DNAJB14: variants seen among roughly 807,000 people sequenced by gnomAD.
The protein encoded by DNAJB14 is DnaJ heat shock protein family (Hsp40) member B14.
A neutral mutation model predicts 48.4 loss-of-function variants in DNAJB14; 22 were observed. The ratio of observed to expected loss-of-function variants is 0.45; its 90% confidence interval spans 0.32 to 0.65. The LOEUF is 0.65. Among genes scored for constraint, DNAJB14 ranks in the 30% least tolerant of loss-of-function variants. The pLI, the probability that DNAJB14 is intolerant of heterozygous loss-of-function variation, is 0.03. For synonymous variants in DNAJB14, 142 were observed against 158.7 expected (o/e 0.89, Z 0.79); for missense variants, 319 against 458.8 (o/e 0.70, Z 2.78).
intron 3 of DNAJB14, among the ~76,000 whole-genome samples, chr4:99,917,213 G>C (rs1725887850): frequency 6.6e-6 from 1 of 152,080 alleles, no homozygotes. Flanking sequence ...TATAATTTTT[G>C]CTTCAAATAT....
intron 2 of DNAJB14, chr4:99,923,552 A>G: frequency 1.9e-6 from 1 of 535,102 alleles, no homozygotes; most frequent in Non-Finnish European, 2.4e-6. Flanking sequence ...AATAAATTCC[A>G]AAACTCCTCA....
intron 3 of DNAJB14, among the ~76,000 whole-genome samples, chr4:99,912,502 A>G (rs1432334930): frequency 7.9e-5 from 12 of 151,372 alleles, no homozygotes; most frequent in Non-Finnish European, 1.5e-4. Context: ...TTTTTAAGAC[A>G]GAGTTTTGCT....
At chr4:99,942,710 G>A (rs1193382758) in intron 1 of DNAJB14, among the ~76,000 whole-genome samples, 1 of 152,070 alleles carries the variant, frequency 6.6e-6, no homozygotes, top group African/African-American at 2.4e-5. Context: ...ATTTCTGAAA[G>A]TGTCTTATGT....
intron 5 of DNAJB14, chr4:99,905,913 T>C: frequency 1.5e-6 from 2 of 1,345,980 alleles, no homozygotes; most frequent in South Asian, 3.2e-5. Flanking sequence ...AAAACACTGA[T>C]AAAATTTGAT....
rs1475341572 is a variant in DNAJB14, at chr4:99,930,588, G to A, written c.167C>T (p.Thr56Met). 6.2e-6 allele frequency: 10 copies of A among 1,610,426 alleles called. No homozygotes were observed. The highest frequency in any genetic ancestry group is 3.4e-5 in the Admixed American group (2 of 59,524). Residue 56 changes from threonine to methionine, a missense_variant, in exon 2 of 8, where the codon ACG (threonine) becomes ATG (methionine). Thr to Met is a moderately conservative substitution (Grantham distance 81, BLOSUM62 -1). This residue lies in a region of DNAJB14 where 116 missense variants were observed against 134.6 expected (regional missense o/e 0.86). Transcript: ENST00000442697. ...TCGGCAATGAGGGCTATTTCCAGCC[G>A]TGCTTCCATTTTTCATAATTATTTC... ...LLEIIMKNGS[T>M]AGNSPHCRKP...
chr4:99,929,424 T>G (rs1726378768), intron 2 of DNAJB14: 1 of 152,112 alleles, frequency 6.6e-6, no homozygotes, highest in African/African-American at 2.4e-5. Flanking sequence ...GTAATCACTC[T>G]CAAATAAAAT....
At chr4:99,909,448 A>G (rs1231135397) in intron 3 of DNAJB14, among the ~76,000 whole-genome samples, 2 of 152,028 alleles carry the variant, frequency 1.3e-5, no homozygotes, top group African/African-American at 2.4e-5. Context: ...TTTTCATTCT[A>G]TTATCCCAAA....
At chr4:99,940,669 A>C (rs1353633279) in intron 1 of DNAJB14, among the ~76,000 whole-genome samples, 13 of 150,208 alleles carry the variant, frequency 8.7e-5, no homozygotes, top group Admixed American at 4.0e-4. Flanking sequence ...AATCCCCCCC[A>C]AAAAATCACT....
rs1725234243 is a variant in DNAJB14 at position 99,899,735 on chromosome 4, A to G, written c.*1293T>C. On this transcript the variant is annotated 3_prime_UTR_variant, in exon 8 of 8. Transcript: ENST00000442697. ...CATTAAAATATTACAACTGCTAAAC[A>G]CAGAAGACTAGAAATCAAATAGTTT... The G allele has an allele frequency of 6.6e-6, 1 of 152,198 alleles. No individual in the cohort carries two copies. The allele number at this position is 152,198 out of a possible 1,614,324, so 9.4% of individuals were successfully genotyped here.
chr4:99,939,037 T>C (rs1726794304), intron 1 of DNAJB14, among the ~76,000 whole-genome samples: 1 of 152,028 alleles, frequency 6.6e-6, no homozygotes, highest in Admixed American at 6.5e-5. Flanking sequence ...TAGAGCCAGA[T>C]ATGAAAGTGG....
Position 99,908,897 on chromosome 4 carries a change from C to G in DNAJB14, c.452-1G>C. 6.5e-7 allele frequency: 1 copy of G among 1,538,646 alleles called. No individual in the cohort carries two copies. The highest frequency in any genetic ancestry group is 1.3e-5 in the South Asian group (1 of 78,264). ...AAAACAGCATAAGCATTTCCAATCT[C>G]TGAAAAAGTAATGAGTAAAAGTTGG... On this transcript the variant is annotated splice_acceptor_variant, in intron 3 of 7. Coordinates refer to ENST00000442697, the MANE Select transcript of DNAJB14 (RefSeq NM_001031723.4). LOFTEE classifies it high-confidence loss of function.
chr4:99,899,801 T>A lies in DNAJB14; in HGVS notation c.*1227A>T, dbSNP rs1424133334. 5 of 151,904 alleles carry A rather than the reference T, an allele frequency of 3.3e-5. No homozygotes were observed. Among genetic ancestry groups the A allele is most frequent in the East Asian group, 1.9e-4 (1 of 5,186 alleles). The allele number at this position is 151,904 out of a possible 1,614,324, so 9.4% of individuals were successfully genotyped here. ...GGCATCAAAAACTTCAATTTCCAGC[T>A]GTTTTTTTTTTCTAATTCATATCAT... On this transcript the variant is annotated 3_prime_UTR_variant, in exon 8 of 8. Coordinates refer to ENST00000442697, the MANE Select transcript of DNAJB14 (RefSeq NM_001031723.4).
chr4:99,934,171 G>C (rs548937298), intron 1 of DNAJB14, among the ~76,000 whole-genome samples: 11 of 152,148 alleles, frequency 7.2e-5, no homozygotes, highest in Non-Finnish European at 1.2e-4. Flanking sequence ...AAAATGAAAA[G>C]AGAAACTCCA....
intron 1 of DNAJB14, among the ~76,000 whole-genome samples, chr4:99,940,532 G>A (rs558668462): frequency 2.0e-5 from 3 of 152,154 alleles, no homozygotes; most frequent in Admixed American, 6.5e-5. Flanking sequence ...CGGAGGTTGC[G>A]GTGAGCTGAG....
intron 3 of DNAJB14, among the ~76,000 whole-genome samples, chr4:99,911,202 A>T (rs1437448273): frequency 1.4e-4 from 22 of 152,168 alleles, no homozygotes; most frequent in Non-Finnish European, 1.5e-5. Context: ...TACTCTGGAG[A>T]TCCAGGTTGT....
intron 3 of DNAJB14, among the ~76,000 whole-genome samples, chr4:99,915,607 C>A (rs1725826137): frequency 6.6e-6 from 1 of 152,102 alleles, no homozygotes; most frequent in Admixed American, 6.6e-5. Flanking sequence ...TGTATGATTT[C>A]AATATTTTAA....
intron 3 of DNAJB14, among the ~76,000 whole-genome samples, chr4:99,915,094 G>T (rs1725803344): frequency 6.6e-6 from 1 of 152,122 alleles, no homozygotes; most frequent in Non-Finnish European, 1.5e-5. Context: ...ATAGATAACT[G>T]ATTTGAGGCT....
At chr4:99,921,908 T>C (rs1726076173) in intron 3 of DNAJB14, among the ~76,000 whole-genome samples, 1 of 152,222 alleles carries the variant, frequency 6.6e-6, no homozygotes, top group Non-Finnish European at 1.5e-5. Context: ...TATCTTTGTT[T>C]AATAAAGGTG....
At chr4:99,906,645 A>T (rs1167844109) in intron 4 of DNAJB14, 34 bp from the exon 5 acceptor site, 1 of 1,505,946 alleles carries the variant, frequency 6.6e-7, no homozygotes, top group South Asian at 1.2e-5. Context: ...AATTAGGGAG[A>T]GCAATTATGA....
Sources: gnomAD v4.1 joint callset for allele counts (sites outside exome capture counted in the v4.1 genomes callset) on GRCh38, gnomAD v4.1.1 for gene constraint, gnomAD v4.1.1 regional missense constraint, MANE v1.5 for transcripts, NCBI Gene and HGNC (gene_info 2026-07-23, HGNC 2026-07-21) for gene names.